Variants in SOX5 observed in about 807,000 individuals in gnomAD.
SOX5 encodes the protein transcription factor SOX-5.
In SOX5, 9 loss-of-function variants were observed where a neutral mutation model predicts 92.0. The ratio of observed to expected loss-of-function variants is 0.10; its 90% CI spans 0.06 to 0.17. The LOEUF is 0.17. SOX5 is among the 10% of genes least tolerant of loss of function. The pLI is 1.00. For synonymous variants in SOX5, 344 were observed against 336.3 expected, an observed-to-expected ratio of 1.02 and a Z score of -0.25; for missense variants, 642 against 944.5, an observed-to-expected ratio of 0.68 and a Z score of 4.20.
chr12:24,186,404 A>G (rs1356112876), intron 4 of SOX5, among the ~76,000 whole-genome samples: 1 of 152,076 alleles, frequency 6.6e-6, no homozygotes, highest in Non-Finnish European at 1.5e-5. Context: ...TTGTTTTTGT[A>G]TCTGCTGTTT....
chr12:23,982,867 T>A (rs1251972243), intron 4 of SOX5, among the ~76,000 whole-genome samples: 1 of 152,168 alleles, frequency 6.6e-6, no homozygotes, highest in Non-Finnish European at 1.5e-5. Context: ...AGGTAGCACA[T>A]CTCAATTTGG....
At chr12:23,644,823 A>G (rs1566657621) in intron 7 of SOX5, among the ~76,000 whole-genome samples, 1 of 152,238 alleles carries the variant, frequency 6.6e-6, no homozygotes, top group East Asian at 1.9e-4. Flanking sequence ...TTAAAATTGT[A>G]AATACTATTA....
chr12:23,953,377 T>C (rs1230133324), upstream of SOX5, among the ~76,000 whole-genome samples: 1 of 152,098 alleles, frequency 6.6e-6, no homozygotes, highest in Non-Finnish European at 1.5e-5. Flanking sequence ...ACCCAAATTC[T>C]TTTTCAATTA....
chr12:23,635,502 A>G (rs953323676), intron 8 of SOX5, among the ~76,000 whole-genome samples: 2 of 151,846 alleles, frequency 1.3e-5, no homozygotes, highest in South Asian at 2.1e-4. Flanking sequence ...GGAACATCAC[A>G]CACCACACCG....
At position 23,846,144 on chromosome 12, in the gene SOX5, G is replaced by A; in HGVS notation, c.320C>T (p.Ser107Phe). 1 of 1,614,118 alleles carries A rather than the reference G, an allele frequency of 6.2e-7. No individual in the cohort carries two copies. Among genetic ancestry groups the A allele is most frequent in the Non-Finnish European group, 8.5e-7 (1 of 1,180,004 alleles). ...VMSSFAPHNS[S>F]TSPQKAEEGG... ...TTCTTCTGCCTTCTGAGGTGAGGTAGATGAGTTGTGTGGGGCAAATGAAGA... is the reference window on the plus strand; with the variant it reads ...TTCTTCTGCCTTCTGAGGTGAGGTAAATGAGTTGTGTGGGGCAAATGAAGA... The change falls in exon 3 of 15, where the codon TCT becomes TTT. Residue 107 changes from serine to phenylalanine, a missense_variant. By Grantham distance (155) the Ser-to-Phe change is radical (BLOSUM62 -2). Around this residue, in one of 8 missense-constraint regions of SOX5, gnomAD observed 29 missense variants for 47.4 expected, o/e 0.61. Coordinates refer to ENST00000451604, the MANE Select transcript of SOX5 (RefSeq NM_006940.6).
intron 1 of SOX5, among the ~76,000 whole-genome samples, chr12:24,456,548 T>C (rs1269517894): frequency 6.6e-6 from 1 of 152,172 alleles, no homozygotes; most frequent in African/African-American, 2.4e-5. Context: ...TCACATGTTA[T>C]CTTATCTAGC....
At chr12:23,560,546 A>G (rs1299219441) in intron 11 of SOX5, among the ~76,000 whole-genome samples, 1 of 152,230 alleles carries the variant, frequency 6.6e-6, no homozygotes, top group Non-Finnish European at 1.5e-5. Flanking sequence ...TTCAATTCCT[A>G]TAGGTGGGCT....
Position 24,089,684 on chromosome 12 carries a change from C to T in SOX5, c.-2+123659G>A, listed in dbSNP as rs193168627. On this transcript the variant is annotated intron_variant, in intron 4 of 4. Transcript: ENST00000446891. ...ACAAAGAGCAGAAAGACTGGTAAAA[C>T]GCCCAGGCCTTATGTGCTTTCCTCT... Among the ~76,000 whole-genome samples the T allele has an allele frequency of 7.2e-5, 11 of 152,228 alleles. No homozygotes were observed. In the South Asian group the frequency reaches 8.3e-4, roughly 11 times the overall value.
At chr12:24,278,877 T>A (rs1250455475) in intron 2 of SOX5, among the ~76,000 whole-genome samples, 2 of 16,696 alleles carry the variant, frequency 1.2e-4, no homozygotes, top group Non-Finnish European at 3.7e-4. Flanking sequence ...AAACTCCACT[T>A]TTTTTTTTTT....
intron 6 of SOX5, among the ~76,000 whole-genome samples, chr12:23,703,909 A>G (rs2091017955): frequency 6.6e-6 from 1 of 151,970 alleles, no homozygotes; most frequent in Non-Finnish European, 1.5e-5. Flanking sequence ...TGCACATACT[A>G]TGTTCAGTAA....
chr12:24,287,774 C>T (rs1017201353), intron 2 of SOX5, among the ~76,000 whole-genome samples: 3 of 151,888 alleles, frequency 2.0e-5, no homozygotes, highest in Admixed American at 1.3e-4. Flanking sequence ...TTCAGCAATT[C>T]TTTATGGTAG....
At chr12:23,834,904 A>G (rs117290393) in intron 3 of SOX5, among the ~76,000 whole-genome samples, 4 of 152,062 alleles carry the variant, frequency 2.6e-5, no homozygotes, top group Non-Finnish European at 5.9e-5. Flanking sequence ...TGACAAAGAC[A>G]TGAATATAGA....
At chr12:24,456,915 G>A (rs932752252) in intron 1 of SOX5, among the ~76,000 whole-genome samples, 1 of 152,264 alleles carries the variant, frequency 6.6e-6, no homozygotes. Flanking sequence ...TACTTTGAAA[G>A]ATCAGTAAAC....
intron 2 of SOX5, among the ~76,000 whole-genome samples, chr12:24,281,422 T>C (rs868046577): frequency 6.6e-6 from 1 of 152,184 alleles, no homozygotes; most frequent in Non-Finnish European, 1.5e-5. Flanking sequence ...ATGGCTGATC[T>C]CTTCACAATA....
chr12:24,122,685 T>C (rs1164196578), intron 4 of SOX5, among the ~76,000 whole-genome samples: 1 of 152,128 alleles, frequency 6.6e-6, no homozygotes, highest in Non-Finnish European at 1.5e-5. Flanking sequence ...TTAATTTATA[T>C]TATATTATAA....
intron 1 of SOX5, among the ~76,000 whole-genome samples, chr12:24,387,572 G>A (rs1489289061): frequency 2.0e-5 from 3 of 152,032 alleles, no homozygotes; most frequent in African/African-American, 7.2e-5. Context: ...ATCACTCCAG[G>A]AGATGGAGTG....
intron 3 of SOX5, among the ~76,000 whole-genome samples, chr12:23,814,005 A>G (rs1199769079): frequency 6.6e-6 from 1 of 152,194 alleles, no homozygotes; most frequent in Non-Finnish European, 1.5e-5. Context: ...AGACGAAAGA[A>G]AAATCTAAAT....
chr12:24,007,793 GCACACACA>G (rs66700500), intron 4 of SOX5, among the ~76,000 whole-genome samples: 756 of 34,790 alleles, frequency 0.022, 32 homozygotes, highest in African/African-American at 0.055. Flanking sequence ...ACATACGCAC[GCACACACA>G]CACACACACA....
intron 4 of SOX5, among the ~76,000 whole-genome samples, chr12:23,968,459 T>C (rs910889630): frequency 1.3e-5 from 2 of 152,182 alleles, no homozygotes; most frequent in Admixed American, 6.5e-5. Context: ...TAAGCCCTCA[T>C]GAATGGATTA....
Sources: allele counts gnomAD v4.1 joint callset (sites outside exome capture counted in the v4.1 genomes callset), GRCh38; gene constraint gnomAD v4.1.1; regional missense constraint gnomAD v4.1.1; transcripts MANE v1.5; gene names NCBI Gene and HGNC (gene_info 2026-07-23, HGNC 2026-07-21).